Variants in LCOR observed in about 807,000 individuals in gnomAD.
LCOR encodes the protein ligand dependent nuclear receptor corepressor.
Under a neutral mutation model 64.4 loss-of-function variants are expected in LCOR, and 14 were observed. That is an observed-to-expected ratio of 0.22 (90% CI 0.14 to 0.34). LCOR has a LOEUF of 0.34. Ranked by LOEUF, LCOR falls within the 10% of genes least tolerant of loss-of-function variation. The pLI is 1.00. For synonymous variants in LCOR, 643 were observed against 642.5 expected, an observed-to-expected ratio of 1.00 and a Z score of -0.01; for missense variants, 1,686 against 1,765.3, an observed-to-expected ratio of 0.96 and a Z score of 0.80.
rs186331018 is a variant in LCOR at position 96,931,458 on chromosome 10, A to G, written c.-183-12655A>G. On this transcript the variant is annotated intron_variant, in intron 4 of 7. Coordinates refer to ENST00000421806, the MANE Select transcript of LCOR (RefSeq NM_001346516.2). The stretch of plus-strand genomic sequence containing the variant: ...ACCATGTCGGCCAGGCTGGTCTCAA[A>G]CTCCTGACCTCAAGTGATCCACTGC... Among the ~76,000 whole-genome samples, 3 of 150,670 alleles carry G rather than the reference A, an allele frequency of 2.0e-5. No individual in the cohort carries two copies. In the East Asian group the frequency reaches 5.8e-4, roughly 29 times the overall value.
chr10:96,907,615 T>C, intron 3 of LCOR, 53 bp from the exon 4 acceptor site: 1 of 687,346 alleles, frequency 1.5e-6, no homozygotes, highest in Non-Finnish European at 1.8e-6. Flanking sequence ...AATTCTAATT[T>C]ATTTTCCTAA....
At chr10:96,905,505 A>G (rs776021941) in intron 2 of LCOR, among the ~76,000 whole-genome samples, 5 of 152,100 alleles carry the variant, frequency 3.3e-5, no homozygotes, top group Non-Finnish European at 5.9e-5. Context: ...TATTTTTTTA[A>G]GTCAGATCGT....
chr10:96,852,614 A>G (rs944536359), intron 2 of LCOR, among the ~76,000 whole-genome samples: 2 of 152,192 alleles, frequency 1.3e-5, no homozygotes, highest in African/African-American at 4.8e-5. Context: ...TGGATAAGGG[A>G]TACTCAACCT....
At chr10:96,851,355 C>T (rs1303054629) in intron 2 of LCOR, among the ~76,000 whole-genome samples, 6 of 152,160 alleles carry the variant, frequency 3.9e-5, no homozygotes, top group Non-Finnish European at 7.3e-5. Flanking sequence ...TAAGATTAAA[C>T]ACGTTCTTCA....
chr10:96,886,314 A>G (rs958302016), intron 2 of LCOR, among the ~76,000 whole-genome samples: 1 of 152,182 alleles, frequency 6.6e-6, no homozygotes, highest in Non-Finnish European at 1.5e-5. Context: ...TGGAACCAGA[A>G]TTATTTTGGA....
intron 2 of LCOR, among the ~76,000 whole-genome samples, chr10:96,835,338 A>C (rs141839012): frequency 1.3e-5 from 2 of 152,226 alleles, no homozygotes; most frequent in Non-Finnish European, 1.5e-5. Flanking sequence ...TTTTAACTCC[A>C]AATTTCCACT....
chr10:96,923,431 C>T (rs548608787), intron 4 of LCOR, among the ~76,000 whole-genome samples: 1 of 152,222 alleles, frequency 6.6e-6, no homozygotes, highest in African/African-American at 2.4e-5. Context: ...TATTGTCACA[C>T]TTCTGCAGTC....
chr10:96,946,955 G>A (rs1378959572), intron 5 of LCOR, among the ~76,000 whole-genome samples: 1 of 151,862 alleles, frequency 6.6e-6, no homozygotes, highest in Admixed American at 6.6e-5. Context: ...TATATTCAGG[G>A]GTGGAAAGGT....
At chr10:96,849,449 A>T (rs987859083) in intron 2 of LCOR, among the ~76,000 whole-genome samples, 2 of 152,102 alleles carry the variant, frequency 1.3e-5, no homozygotes, top group Admixed American at 1.3e-4. Context: ...ACCTCAGGTG[A>T]TTGGCCCGCC....
At chr10:96,909,859 T>C (rs1280983723) in intron 4 of LCOR, among the ~76,000 whole-genome samples, 1 of 152,170 alleles carries the variant, frequency 6.6e-6, no homozygotes, top group African/African-American at 2.4e-5. Context: ...AAATTGAAGT[T>C]CATAATTTTA....
At chr10:96,958,200 C>T in intron 7 of LCOR, 3 of 1,286,640 alleles carry the variant, frequency 2.3e-6, no homozygotes, top group Admixed American at 7.0e-5. Context: ...TTTGTGCTTG[C>T]TTTTATCCCC....
rs1252507644 is a variant in LCOR at position 96,994,933 on chromosome 10, T to C, written c.*9799T>C. ...CATTATTTCCTCATATGCATTATGA[T>C]ACTAAGAAATTCAACCCCAACCTGT... On this transcript the variant is annotated 3_prime_UTR_variant, in exon 8 of 8. Transcript: ENST00000421806. 6.6e-6 allele frequency: 1 copy of C among 152,236 alleles called. No individual in the cohort carries two copies. The highest frequency in any genetic ancestry group is 1.5e-5 in the Non-Finnish European group (1 of 68,050). The allele number at this position is 152,236 out of a possible 1,614,324, so 9.4% of individuals were successfully genotyped here. A position where few individuals can be genotyped will look rare whatever the true frequency, so the allele number is the denominator to read the frequency against.
At chr10:96,881,090 G>A (rs1846255277) in intron 2 of LCOR, among the ~76,000 whole-genome samples, 1 of 152,174 alleles carries the variant, frequency 6.6e-6, no homozygotes, top group Non-Finnish European at 1.5e-5. Flanking sequence ...GTGAAGTGGG[G>A]ACAGAGATTG....
intron 2 of LCOR, among the ~76,000 whole-genome samples, chr10:96,860,394 A>G (rs564167774): frequency 6.6e-6 from 1 of 152,358 alleles, no homozygotes; most frequent in South Asian, 2.1e-4. Context: ...GATTAGAGTT[A>G]CACTGCCACA....
chr10:96,898,226 G>C (rs563090024), intron 2 of LCOR, among the ~76,000 whole-genome samples: 1 of 152,166 alleles, frequency 6.6e-6, no homozygotes, highest in Non-Finnish European at 1.5e-5. Flanking sequence ...TATGGGGTGA[G>C]ATGGGGATAC....
At position 96,990,599 on chromosome 10, in the gene LCOR, G is replaced by C. The variant is rs144628003; in HGVS notation, c.*5465G>C. The C allele has an allele frequency of 8.1e-3, 1,240 of 152,304 alleles. 12 individuals are homozygous for C. Among genetic ancestry groups the C allele is most frequent in the Middle Eastern group, 0.024 (7 of 292 alleles). 9.4% of individuals were successfully genotyped at this position (152,304 alleles called of 1,614,324 possible). On this transcript the variant is annotated 3_prime_UTR_variant, in exon 8 of 8. Coordinates refer to ENST00000421806, the MANE Select transcript of LCOR (RefSeq NM_001346516.2). ...CTCAGGCAGAAACTCAGAGCTCTCAGGGCTTTGCTGTGCTGTGCTGTGTCA... is the reference window on the plus strand; with the variant it reads ...CTCAGGCAGAAACTCAGAGCTCTCACGGCTTTGCTGTGCTGTGCTGTGTCA...
chr10:96,904,714 C>A (rs777074860), intron 2 of LCOR, among the ~76,000 whole-genome samples: 1 of 152,028 alleles, frequency 6.6e-6, no homozygotes, highest in Admixed American at 6.6e-5. Flanking sequence ...TTTAGTTTTC[C>A]ATGGCATTTT....
At chr10:96,879,282 G>A (rs1846221270) in intron 2 of LCOR, among the ~76,000 whole-genome samples, 1 of 152,208 alleles carries the variant, frequency 6.6e-6, no homozygotes, top group Non-Finnish European at 1.5e-5. Flanking sequence ...AGAAAAGGTA[G>A]AACTAGGACT....
At chr10:96,835,693 C>G (rs1180705401) in intron 2 of LCOR, among the ~76,000 whole-genome samples, 1 of 152,118 alleles carries the variant, frequency 6.6e-6, no homozygotes, top group Non-Finnish European at 1.5e-5. Context: ...CATTTGGTTT[C>G]TGGAAGGTAT....
Sources: allele counts gnomAD v4.1 joint callset (sites outside exome capture counted in the v4.1 genomes callset), GRCh38; gene constraint gnomAD v4.1.1; transcripts MANE v1.5; gene names NCBI Gene and HGNC (gene_info 2026-07-23, HGNC 2026-07-21).